LY6K: variants seen among roughly 807,000 people sequenced by gnomAD.
LY6K encodes the protein lymphocyte antigen 6K.
In LY6K, 9 loss-of-function variants were observed where a neutral mutation model predicts 10.4. That is an observed-to-expected ratio of 0.87 (90% CI 0.52 to 1.52). The LOEUF is 1.52. Among genes scored for constraint, LY6K ranks in the 40% most tolerant of loss-of-function variants. The pLI is 0.00. For synonymous variants in LY6K, 98 were observed against 83.7 expected, an observed-to-expected ratio of 1.17 and a Z score of -0.94; for missense variants, 217 against 211.7, an observed-to-expected ratio of 1.02 and a Z score of -0.15.
chr8:142,703,044 C>T, intron 2 of LY6K, 47 bp from the exon 3 acceptor site: 1 of 1,608,008 alleles, frequency 6.2e-7, no homozygotes. Context: ...CGGTGTCAGG[C>T]ATTGGAATTG....
chr8:142,700,871 C>T (rs1405862376), intron 1 of LY6K, among the ~76,000 whole-genome samples: 2 of 152,122 alleles, frequency 1.3e-5, no homozygotes, highest in Non-Finnish European at 2.9e-5. Flanking sequence ...CCCGGGAGCC[C>T]TCAGGCTGCA....
Position 142,701,662 on chromosome 8 carries a change from A to T in LY6K, c.166A>T (p.Asn56Tyr). Reference sequence around the variant, plus strand: ...GAGAGAAAACACTTTCGAGTGCCAGAACCCAAGGAGGTGCAAATGGACAGA... The same window carrying T: ...GAGAGAAAACACTTTCGAGTGCCAGTACCCAAGGAGGTGCAAATGGACAGA... ...CERENTFECQ[N>Y]PRRCKWTEPY... is the part of the protein sequence containing the mutation. The change falls in exon 2 of 3, where the codon AAC becomes TAC. Residue 56 changes from asparagine (N) to tyrosine (Y), a missense_variant. Transcript: ENST00000292430. 6.2e-7 allele frequency: 1 copy of T among 1,614,106 alleles called. No individual in the cohort carries two copies. Among genetic ancestry groups the T allele is most frequent in the East Asian group, 2.2e-5 (1 of 44,876 alleles).
At chr8:142,702,251 A>G (rs1587562742) in intron 2 of LY6K, 1 of 537,886 alleles carries the variant, frequency 1.9e-6, no homozygotes, top group Non-Finnish European at 3.3e-6. Flanking sequence ...ATTTCATATC[A>G]TCCATTTTTA....
At chr8:142,701,300 G>A (rs142021039) in intron 1 of LY6K, among the ~76,000 whole-genome samples, 1 of 152,242 alleles carries the variant, frequency 6.6e-6, no homozygotes, top group African/African-American at 2.4e-5. Flanking sequence ...AAAGAAGAGA[G>A]GTGGAATTGG....
Position 142,702,531 on chromosome 8 carries a change from C to T in LY6K, c.218-560C>T, listed in dbSNP as rs587766295. On this transcript the variant is annotated intron_variant, in intron 2 of 2. Transcript: ENST00000292430. ...CTTCAGGGCTCGTGAATTCTGATTC[C>T]GCCCAGCAGTCACTCTCCAGCCCTT... The T allele has an allele frequency of 5.1e-4, 776 of 1,535,736 alleles. 12 individuals carry two copies. The South Asian group carries it at 8.5e-3, about 17-fold the overall frequency.
Position 142,700,278 on chromosome 8 carries a change from C to T in LY6K, c.-250C>T. 1 of 1,195,690 alleles carries T rather than the reference C, an allele frequency of 8.4e-7. No individual in the cohort carries two copies. The highest frequency in any genetic ancestry group is 1.0e-6 in the Non-Finnish European group (1 of 955,410). 74.1% of individuals were successfully genotyped at this position (1,195,690 alleles called of 1,614,324 possible). ...TCCCGCGCCCGTTCCTGCCTGGCCG[C>T]CGGCCGCTCCAACAGCAGCACAAGG... On this transcript the variant is annotated 5_prime_UTR_variant, in exon 1 of 3. Coordinates refer to ENST00000292430, the MANE Select transcript of LY6K (RefSeq NM_017527.4).
rs1815155078 is a variant in LY6K at position 142,704,829 on chromosome 8, G to A, written c.*1458G>A. On this transcript the variant is annotated 3_prime_UTR_variant, in exon 3 of 3. Transcript: ENST00000292430. Reference sequence around the variant, plus strand: ...ATGCTTCAGGATCTTGATTCCACTTGTTTAAAATGGCCATAGAACGCTTTT... The same window carrying A: ...ATGCTTCAGGATCTTGATTCCACTTATTTAAAATGGCCATAGAACGCTTTT... The A allele has an allele frequency of 6.6e-6, 1 of 152,154 alleles. No individual in the cohort carries two copies. The highest frequency in any genetic ancestry group is 2.4e-5 in the African/African-American group (1 of 41,430). The allele number at this position is 152,154 out of a possible 1,614,324, so 9.4% of individuals were successfully genotyped here.
chr8:142,700,965 GC>G (rs1431423357), intron 1 of LY6K, among the ~76,000 whole-genome samples: 3 of 151,478 alleles, frequency 2.0e-5, no homozygotes, highest in African/African-American at 4.8e-5. Flanking sequence ...CTCCTGCAGA[GC>G]TAGGCCAGGC....
chr8:142,702,848 C>T, intron 2 of LY6K: 2 of 1,533,010 alleles, frequency 1.3e-6, no homozygotes, highest in Non-Finnish European at 1.8e-6. Context: ...AAACAGCAAC[C>T]CCTAGACCCG....
chr8:142,703,083 C>T lies in LY6K; in HGVS notation c.218-8C>T, dbSNP rs1554640415. On this transcript the variant is annotated splice_polypyrimidine_tract_variant and splice_region_variant and intron_variant, in intron 2 of 2. Coordinates refer to ENST00000292430, the MANE Select transcript of LY6K (RefSeq NM_017527.4). ...GATTGCCTTCTCTCGGTCTTTATTT[C>T]CTATTAGAAATATTTCCACGTTTTT... 2 of 1,612,922 alleles carry T rather than the reference C, an allele frequency of 1.2e-6. No homozygotes were observed. Among genetic ancestry groups the T allele is most frequent in the Admixed American group, 1.7e-5 (1 of 59,912 alleles).
At position 142,703,959 on chromosome 8, in the gene LY6K, T is replaced by TA. The variant is rs1815138193; in HGVS notation, c.*589dup. The TA allele has an allele frequency of 6.5e-6, 1 of 153,048 alleles. No individual in the cohort carries two copies. The highest frequency in any genetic ancestry group is 1.5e-5 in the Non-Finnish European group (1 of 68,620). 9.5% of individuals were successfully genotyped at this position (153,048 alleles called of 1,614,324 possible). A position where few individuals can be genotyped will look rare whatever the true frequency, so the allele number is the denominator to read the frequency against. On this transcript the variant is annotated 3_prime_UTR_variant, in exon 3 of 3. Transcript: ENST00000292430. Reference sequence around the variant, plus strand: ...GATAACTAATTGTGTTGAAGAAACTTAGACTTCACCCACCAGCTGGCACAG... The same window carrying TA: ...GATAACTAATTGTGTTGAAGAAACTTAAGACTTCACCCACCAGCTGGCACAG...
At chr8:142,700,700 C>T in intron 1 of LY6K, 70 bp downstream of exon 1, 1 of 1,344,480 alleles carries the variant, frequency 7.4e-7, no homozygotes, top group Non-Finnish European at 9.7e-7. Context: ...CCTGGCACCG[C>T]GTGGCCACCG....
At chr8:142,702,954 T>G in intron 2 of LY6K, 137 bp from the exon 3 acceptor site, 1 of 1,552,334 alleles carries the variant, frequency 6.4e-7, no homozygotes, top group East Asian at 2.4e-5. Context: ...TCCTCCCGAC[T>G]CCCCCTTGGT....
At chr8:142,701,847 C>T (rs587750525) in intron 2 of LY6K, 134 bp downstream of exon 2, 3 of 627,920 alleles carry the variant, frequency 4.8e-6, no homozygotes, top group African/African-American at 3.7e-5. Flanking sequence ...TTTTCTGAGA[C>T]GGAGTCAGGC....
At chr8:142,702,599 A>G (rs1309835417) in intron 2 of LY6K, 1 of 1,535,384 alleles carries the variant, frequency 6.5e-7, no homozygotes, top group African/African-American at 1.4e-5. Flanking sequence ...GATGCTTCAG[A>G]CTCAGTGTGG....
chr8:142,701,809 A>C, intron 2 of LY6K, 96 bp downstream of exon 2: 1 of 742,032 alleles, frequency 1.3e-6, no homozygotes, highest in South Asian at 1.6e-5. Context: ...GGGAATAACT[A>C]ATAGAAAGTA....
At chr8:142,701,753 G>C in intron 2 of LY6K, 40 bp downstream of exon 2, 1 of 1,337,644 alleles carries the variant, frequency 7.5e-7, no homozygotes, top group Non-Finnish European at 1.1e-6. Flanking sequence ...AAAGGCAGGT[G>C]AACAGAGGGC....
In LY6K at chr8:142,704,747, C is replaced by T. The variant is rs1478015596; in HGVS notation, c.*1376C>T. On this transcript the variant is annotated 3_prime_UTR_variant, in exon 3 of 3. Transcript: ENST00000292430. ...AGTCATTGCTTTGCTTGTGCTTTGCCTTCAGGAGTGTACTGGTTAAGCCAC... is the reference window on the plus strand; with the variant it reads ...AGTCATTGCTTTGCTTGTGCTTTGCTTTCAGGAGTGTACTGGTTAAGCCAC... 6.6e-6 allele frequency: 1 copy of T among 152,152 alleles called. No homozygotes were observed. The highest frequency in any genetic ancestry group is 1.5e-5 in the Non-Finnish European group (1 of 68,030). The allele number at this position is 152,152 out of a possible 1,614,324, so 9.4% of individuals were successfully genotyped here. A position where few individuals can be genotyped will look rare whatever the true frequency, so the allele number is the denominator to read the frequency against.
Position 142,701,709 on chromosome 8 carries a change from CGTGA to C in LY6K, c.217+3_217+6del. 670 of 1,608,360 alleles carry C rather than the reference CGTGA, an allele frequency of 4.2e-4. 1 individual carries two copies. The highest frequency in any genetic ancestry group is 4.0e-3 in the African/African-American group (301 of 74,876). On this transcript the variant is annotated frameshift_variant and splice_region_variant, in exon 2 of 3. Transcript: ENST00000292430. LOFTEE classifies it low-confidence loss of function (END_TRUNC). ...CAGAGCCATACTGCGTTATAGCGGC[CGTGA>C]GTGAGTATCTTCGCTCTTGTTGGGG...
Sources: gnomAD v4.1 joint callset for allele counts (sites outside exome capture counted in the v4.1 genomes callset) on GRCh38, gnomAD v4.1.1 for gene constraint, MANE v1.5 for transcripts, NCBI Gene and HGNC (gene_info 2026-07-23, HGNC 2026-07-21) for gene names.